The following PLSCR5 variants were observed in gnomAD, a reference collection of about 807,000 sequenced individuals.
PLSCR5 encodes the protein phospholipid scramblase family, member 5.
PLSCR5 carries 44 observed loss-of-function variants against 33.6 expected under a neutral mutation model. That is an observed-to-expected ratio of 1.31 (90% CI 1.03 to 1.69). PLSCR5 has a LOEUF of 1.69. Ranked by LOEUF, PLSCR5 falls within the 40% of genes most tolerant of loss-of-function variation. The pLI, the probability that PLSCR5 is intolerant of heterozygous loss-of-function variation, is 0.00. For synonymous variants in PLSCR5, 148 were observed against 112.3 expected, an observed-to-expected ratio of 1.32 and a Z score of -2.01; for missense variants, 375 against 318.7, an observed-to-expected ratio of 1.18 and a Z score of -1.34.
chr3:146,593,392 A>C (rs1191709783), intron 4 of PLSCR5, among the ~76,000 whole-genome samples: 1 of 152,184 alleles, frequency 6.6e-6, no homozygotes, highest in Non-Finnish European at 1.5e-5. Context: ...AATAACGTAA[A>C]TCTATTATAT....
chr3:146,586,823 A>G (rs950495216), intron 6 of PLSCR5, among the ~76,000 whole-genome samples: 21 of 152,328 alleles, frequency 1.4e-4, no homozygotes, highest in African/African-American at 5.1e-4. Flanking sequence ...TGAATAAAAT[A>G]GAAACAGCAA....
At chr3:146,584,249 G>A (rs17354174), downstream of PLSCR5, among the ~76,000 whole-genome samples, 39,858 of 152,024 alleles carry the variant, frequency 0.26, 5,235 homozygotes, top group African/African-American at 0.28. Flanking sequence ...TTGAAATGCA[G>A]TAGATTGAGA....
intron 1 of PLSCR5, among the ~76,000 whole-genome samples, chr3:146,604,773 T>C (rs2044850325): frequency 1.3e-5 from 2 of 152,236 alleles, no homozygotes. Flanking sequence ...ACCTACTATG[T>C]ACCCACATAA....
At chr3:146,581,363 T>C (rs2044631846), downstream of PLSCR5, among the ~76,000 whole-genome samples, 1 of 152,236 alleles carries the variant, frequency 6.6e-6, no homozygotes, top group African/African-American at 2.4e-5. Context: ...TGTTGTTATC[T>C]GTTGGTTTAT....
chr3:146,577,067 G>T (rs185960505), intron 7 of PLSCR5, among the ~76,000 whole-genome samples: 7 of 152,036 alleles, frequency 4.6e-5, no homozygotes, highest in South Asian at 2.1e-4. Context: ...ATGAGGTCTG[G>T]GTATGGATAT....
At chr3:146,585,964 TTAGA>T (rs1227287786) in intron 7 of PLSCR5, 22 bp from the exon 8 acceptor site, 13 of 1,157,930 alleles carry the variant, frequency 1.1e-5, no homozygotes, top group Admixed American at 4.0e-5. Flanking sequence ...TGAAAAAGAG[TTAGA>T]TAGCGTCAAA....
At chr3:146,577,429 A>C (rs1185703819) in intron 7 of PLSCR5, among the ~76,000 whole-genome samples, 1 of 152,108 alleles carries the variant, frequency 6.6e-6, no homozygotes, top group Non-Finnish European at 1.5e-5. Context: ...TTTCTGTATA[A>C]TTTTAAATAA....
intron 1 of PLSCR5, 24 bp downstream of exon 1, chr3:146,605,176 T>C: frequency 6.3e-7 from 1 of 1,599,436 alleles, no homozygotes; most frequent in South Asian, 1.1e-5. Context: ...GAAAAAGTTA[T>C]TAGTTGGTTA....
chr3:146,577,073 G>T (rs955003275), intron 7 of PLSCR5, among the ~76,000 whole-genome samples: 3 of 151,976 alleles, frequency 2.0e-5, no homozygotes, highest in Non-Finnish European at 4.4e-5. Flanking sequence ...TCTGGGTATG[G>T]ATATTTTTAA....
intron 2 of PLSCR5, among the ~76,000 whole-genome samples, chr3:146,599,704 G>A (rs1177386434): frequency 1.4e-5 from 2 of 144,638 alleles, no homozygotes; most frequent in Non-Finnish European, 3.0e-5. Context: ...TCCAAGGCAA[G>A]TCTCACTCTG....
At chr3:146,588,793 T>G (rs1488518832) in intron 6 of PLSCR5, among the ~76,000 whole-genome samples, 1 of 152,162 alleles carries the variant, frequency 6.6e-6, no homozygotes, top group East Asian at 1.9e-4. Context: ...AATTCCTTGT[T>G]TTTAGGAAAT....
In PLSCR5 at chr3:146,600,470, G is replaced by A. The variant is rs769899214; in HGVS notation, c.14-7C>T. 6.4e-7 allele frequency: 1 copy of A among 1,567,792 alleles called. No homozygotes were observed. Among genetic ancestry groups the A allele is most frequent in the South Asian group, 1.2e-5 (1 of 84,430 alleles). On this transcript the variant is annotated splice_polypyrimidine_tract_variant and splice_region_variant and intron_variant, in intron 1 of 7. Transcript: ENST00000443512. The stretch of plus-strand genomic sequence containing the variant: ...CTTCTTTGGTTCTGGGCATCTGCAA[G>A]AGAATGGAAATCCCAATCCATATTT...
At chr3:146,577,553 G>T (rs7625618) in intron 7 of PLSCR5, among the ~76,000 whole-genome samples, 2 of 151,874 alleles carry the variant, frequency 1.3e-5, no homozygotes, top group Admixed American at 6.6e-5. Context: ...TTAACTGTTT[G>T]GTACGCCAAT....
chr3:146,591,744 G>C lies in PLSCR5; in HGVS notation c.591C>G (p.Gly197=), dbSNP rs1355911514. Residue 197 remains glycine (G), a synonymous_variant, in exon 5 of 8, where the codon GGC becomes GGG. Coordinates refer to ENST00000443512, the MANE Select transcript of PLSCR5 (RefSeq NM_001085420.2). ...LKIVGPCVTC[G]CFGDVDFEVK... ...CCTCAAAATCCACATCGCCAAAACAGCCACATGTCACACAAGGACCAACAA... is the reference window on the plus strand; with the variant it reads ...CCTCAAAATCCACATCGCCAAAACACCCACATGTCACACAAGGACCAACAA... The C allele has an allele frequency of 5.0e-6, 8 of 1,610,886 alleles. No homozygotes were observed. The highest frequency in any genetic ancestry group is 5.9e-6 in the Non-Finnish European group (7 of 1,178,436).
At chr3:146,596,398 C>T (rs886852382) in intron 2 of PLSCR5, among the ~76,000 whole-genome samples, 1 of 152,092 alleles carries the variant, frequency 6.6e-6, no homozygotes, top group African/African-American at 2.4e-5. Context: ...GCCATGTTGG[C>T]CATGCTGGTC....
chr3:146,599,612 C>T (rs2044793346), intron 2 of PLSCR5, among the ~76,000 whole-genome samples: 1 of 150,848 alleles, frequency 6.6e-6, no homozygotes, highest in East Asian at 1.9e-4. Context: ...ATAGCAAGCA[C>T]TCGACAAATA....
downstream of PLSCR5, among the ~76,000 whole-genome samples, chr3:146,582,206 A>G (rs1444866654): frequency 1.3e-5 from 2 of 152,214 alleles, no homozygotes; most frequent in Non-Finnish European, 2.9e-5. Context: ...CTTTCAAACA[A>G]AAGAACAGCC....
chr3:146,600,290 GGCTTA>G lies in PLSCR5; in HGVS notation c.182_186del (p.Leu61SerfsTer21). The G allele has an allele frequency of 1.3e-6, 2 of 1,569,366 alleles. No homozygotes were observed. The highest frequency in any genetic ancestry group is 1.7e-6 in the Non-Finnish European group (2 of 1,154,906). ...TAGTAATAGAAAGATAAAAACACCT[GGCTTA>G]AATATTCTAGACCAGGAGGGAGACT... On this transcript the variant is annotated frameshift_variant, in exon 2 of 8. Coordinates refer to ENST00000443512, the MANE Select transcript of PLSCR5 (RefSeq NM_001085420.2). LOFTEE classifies it high-confidence loss of function.
intron 2 of PLSCR5, 118 bp from the exon 3 acceptor site, chr3:146,595,201 T>C (rs2044749372): frequency 2.1e-6 from 1 of 484,750 alleles, no homozygotes; most frequent in South Asian, 9.4e-5. Context: ...TCATGCTTTC[T>C]ATTAGGAAAA....
Sources: allele counts gnomAD v4.1 joint callset (sites outside exome capture counted in the v4.1 genomes callset), GRCh38; gene constraint gnomAD v4.1.1; transcripts MANE v1.5; gene names NCBI Gene and HGNC (gene_info 2026-07-23, HGNC 2026-07-21).